The following SPTBN1 variants were observed in gnomAD, a reference collection of about 807,000 sequenced individuals.
SPTBN1 encodes the protein spectrin beta, non-erythrocytic 1.
A neutral mutation model predicts 266.4 loss-of-function variants in SPTBN1; 32 were observed. The ratio of observed to expected loss-of-function variants is 0.12; its 90% CI spans 0.09 to 0.16. SPTBN1 has a LOEUF of 0.16. Among genes scored for constraint, SPTBN1 ranks in the 10% least tolerant of loss-of-function variants. The pLI, the probability that SPTBN1 is intolerant of heterozygous loss-of-function variation, is 1.00. For synonymous variants in SPTBN1, 1,336 were observed against 1,162.2 expected (o/e 1.15, Z -3.04); for missense variants, 2,296 against 3,067.1 (o/e 0.75, Z 5.94).
intron 1 of SPTBN1, among the ~76,000 whole-genome samples, chr2:54,523,458 G>A (rs1670609758): frequency 6.6e-6 from 1 of 152,146 alleles, no homozygotes; most frequent in African/African-American, 2.4e-5. Context: ...TGTGGGGTGT[G>A]TTGGCTGTGT....
intron 2 of SPTBN1, among the ~76,000 whole-genome samples, chr2:54,589,691 A>G (rs1248943804): frequency 2.6e-5 from 4 of 152,248 alleles, no homozygotes; most frequent in African/African-American, 9.6e-5. Flanking sequence ...CGTCACAGGG[A>G]GGACTTCAGT....
intron 33 of SPTBN1, among the ~76,000 whole-genome samples, chr2:54,665,609 C>G (rs1031665675): frequency 6.6e-6 from 1 of 152,174 alleles, no homozygotes; most frequent in Non-Finnish European, 1.5e-5. Context: ...GCAAAGAGTA[C>G]TAAATACCAA....
At chr2:54,563,063 C>G (rs1290684938) in intron 2 of SPTBN1, among the ~76,000 whole-genome samples, 12 of 152,112 alleles carry the variant, frequency 7.9e-5, no homozygotes, top group Admixed American at 3.9e-4. Flanking sequence ...AATAACTCAT[C>G]CAAGTTCACA....
chr2:54,664,840 C>A lies in SPTBN1; in HGVS notation c.6659+149C>A, dbSNP rs557709034. The A allele has an allele frequency of 2.5e-6, 2 of 791,922 alleles. No homozygotes were observed. Among genetic ancestry groups the A allele is most frequent in the Admixed American group, 2.9e-5 (1 of 34,848 alleles). 49.1% of individuals were successfully genotyped at this position (791,922 alleles called of 1,614,324 possible). ...GGACATTGCATTCTTCTTGGGCTGACGCTGGAAAGCAGGAGTAGAATGCTG... is the reference window on the plus strand; with the variant it reads ...GGACATTGCATTCTTCTTGGGCTGAAGCTGGAAAGCAGGAGTAGAATGCTG... On this transcript the variant is annotated intron_variant, in intron 33 of 35. Transcript: ENST00000356805. This position sits in a 1 kb window ranked among gnomAD's most constrained non-coding sequence, Gnocchi z 5.6.
intron 2 of SPTBN1, among the ~76,000 whole-genome samples, chr2:54,555,026 A>G (rs1177762043): frequency 1.3e-5 from 2 of 151,992 alleles, no homozygotes; most frequent in African/African-American, 2.4e-5. Context: ...CCTTTTCTCT[A>G]AGTTTTATTT....
At chr2:54,607,804 TG>T (rs1553339836) in intron 3 of SPTBN1, among the ~76,000 whole-genome samples, 1 of 152,214 alleles carries the variant, frequency 6.6e-6, no homozygotes, top group Non-Finnish European at 1.5e-5. Context: ...TTTCTACTTG[TG>T]GTAGGCCTCT....
At position 54,668,478 on chromosome 2, in the gene SPTBN1, C is replaced by T. The variant is rs1681530190; in HGVS notation, c.7004C>T (p.Thr2335Ile). 6.2e-7 allele frequency: 1 copy of T among 1,614,098 alleles called. No individual in the cohort carries two copies. Among genetic ancestry groups the T allele is most frequent in the Non-Finnish European group, 8.5e-7 (1 of 1,180,044 alleles). ...CAGACCCTCCCCACCAGCGTCGTCA[C>T]CATCACCAGCGAGTCCAGTCCCGGC... is the stretch of plus-strand genomic sequence containing the variant. ...RAQTLPTSVV[T>I]ITSESSPGKR... The change falls in exon 36 of 36, where the codon ACC becomes ATC. Residue 2335 changes from threonine to isoleucine, a missense_variant. Thr to Ile is a moderately conservative substitution (Grantham distance 89, BLOSUM62 -1). Around this residue, in one of 12 missense-constraint regions of SPTBN1, gnomAD observed 347 missense variants for 368.5 expected, o/e 0.94. Transcript: ENST00000356805.
In SPTBN1 at chr2:54,669,430, A is replaced by G. The variant is rs1681601321; in HGVS notation, c.*861A>G. 6.6e-6 allele frequency: 1 copy of G among 152,670 alleles called. No individual in the cohort carries two copies. Among genetic ancestry groups the G allele is most frequent in the South Asian group, 2.1e-4 (1 of 4,834 alleles). 9.5% of individuals were successfully genotyped at this position (152,670 alleles called of 1,614,324 possible). A position where few individuals can be genotyped will look rare whatever the true frequency, so the allele number is the denominator to read the frequency against. Reference sequence around the variant, plus strand: ...TGCTCGTGCGTTGCCACACTGTGTTATAATTTGCTTCATTTCCTTGCTATT... The same window carrying G: ...TGCTCGTGCGTTGCCACACTGTGTTGTAATTTGCTTCATTTCCTTGCTATT... On this transcript the variant is annotated 3_prime_UTR_variant, in exon 36 of 36. Coordinates refer to ENST00000356805, the MANE Select transcript of SPTBN1 (RefSeq NM_003128.3).
At chr2:54,578,272 C>T (rs12713265) in intron 2 of SPTBN1, among the ~76,000 whole-genome samples, 48,145 of 152,102 alleles carry the variant, frequency 0.32, 9,430 homozygotes, top group African/African-American at 0.56. Context: ...TGGCATTACC[C>T]AGAAACATGG....
Position 54,653,671 on chromosome 2 carries a change from C to G in SPTBN1, c.5640C>G (p.Asp1880Glu). The G allele has an allele frequency of 1.2e-6, 2 of 1,614,116 alleles. No individual in the cohort carries two copies. The highest frequency in any genetic ancestry group is 2.7e-5 in the African/African-American group (2 of 75,050). The change falls in exon 27 of 36, where the codon GAC becomes GAG. Residue 1880 changes from aspartate to glutamate, a missense_variant. Transcript: ENST00000356805. The surrounding 1 kb of genome is among the most constrained non-coding windows in gnomAD (Gnocchi z 5.1). ...LQAAYAGDKA[D>E]DIQKRENEVL... ...CGGCCTATGCGGGTGACAAGGCCGA[C>G]GATATCCAGAAGCGCGAGAACGAGG...
intron 1 of SPTBN1, among the ~76,000 whole-genome samples, chr2:54,517,108 A>T (rs1045967078): frequency 7.2e-5 from 9 of 125,342 alleles, no homozygotes; most frequent in Admixed American, 7.2e-4. Context: ...TTAAGGTCTG[A>T]GTTGATGTTA....
chr2:54,589,214 A>G (rs1044315841), intron 2 of SPTBN1, among the ~76,000 whole-genome samples: 1 of 152,210 alleles, frequency 6.6e-6, no homozygotes, highest in Admixed American at 6.5e-5. Flanking sequence ...GAAAGCCCCC[A>G]TCATAACCTC....
chr2:54,571,205 T>C (rs917074379), intron 2 of SPTBN1, among the ~76,000 whole-genome samples: 1 of 152,064 alleles, frequency 6.6e-6, no homozygotes, highest in African/African-American at 2.4e-5. Context: ...TCAAGGGCTG[T>C]GGGACGTTTT....
intron 2 of SPTBN1, among the ~76,000 whole-genome samples, chr2:54,597,390 C>G (rs544871763): frequency 4.6e-5 from 7 of 152,198 alleles, no homozygotes; most frequent in Non-Finnish European, 8.8e-5. Context: ...GTTATTGGTG[C>G]AGCTGCTTCT....
chr2:54,609,082 A>T (rs1415766854), intron 3 of SPTBN1, among the ~76,000 whole-genome samples: 1 of 152,100 alleles, frequency 6.6e-6, no homozygotes, highest in African/African-American at 2.4e-5. Flanking sequence ...GTAGAAGGGG[A>T]GGCAGAAGAG....
At chr2:54,611,905 A>C (rs541555289) in intron 3 of SPTBN1, among the ~76,000 whole-genome samples, 36 of 152,248 alleles carry the variant, frequency 2.4e-4, no homozygotes, top group Non-Finnish European at 4.7e-4. Context: ...AACTTAAACA[A>C]ATGCTCATTT....
rs1427578443 is a variant in SPTBN1 at position 54,668,647 on chromosome 2, ACT to A, written c.*83_*84del. On this transcript the variant is annotated 3_prime_UTR_variant, in exon 36 of 36. Transcript: ENST00000356805. Reference sequence around the variant, plus strand: ...CATGCAAGCTCAGAACCAACACATTACTCTCTGTGCCTAATGTTCCTCAATGT... The same window carrying A: ...CATGCAAGCTCAGAACCAACACATTACTCTGTGCCTAATGTTCCTCAATGT... 1 of 1,267,124 alleles carries A rather than the reference ACT, an allele frequency of 7.9e-7. No individual in the cohort carries two copies. Among genetic ancestry groups the A allele is most frequent in the Admixed American group, 2.3e-5 (1 of 43,774 alleles). The allele number at this position is 1,267,124 out of a possible 1,614,324, so 78.5% of individuals were successfully genotyped here. A position where few individuals can be genotyped will look rare whatever the true frequency, so the allele number is the denominator to read the frequency against.
At chr2:54,475,834 G>C (rs146483329) in intron 1 of SPTBN1, among the ~76,000 whole-genome samples, 277 of 152,160 alleles carry the variant, frequency 1.8e-3, no homozygotes, top group Non-Finnish European at 3.0e-3. Context: ...TGTGTCAAAG[G>C]CCTCACCTCC....
At chr2:54,576,256 G>T (rs181756466) in intron 2 of SPTBN1, among the ~76,000 whole-genome samples, 1 of 152,054 alleles carries the variant, frequency 6.6e-6, no homozygotes, top group Non-Finnish European at 1.5e-5. Flanking sequence ...GTTTTACCAT[G>T]TTGGCCAGGC....
Sources: allele counts gnomAD v4.1 joint callset (sites outside exome capture counted in the v4.1 genomes callset), GRCh38; gene constraint gnomAD v4.1.1; regional missense constraint gnomAD v4.1.1; non-coding constraint Gnocchi (gnomAD v3.1); transcripts MANE v1.5; gene names NCBI Gene and HGNC (gene_info 2026-07-23, HGNC 2026-07-21).